Variants in FOXP1 observed in about 807,000 individuals in gnomAD.
FOXP1 encodes the protein forkhead box protein P1.
FOXP1 carries 15 observed loss-of-function variants against 98.2 expected under a neutral mutation model. The ratio of observed to expected loss-of-function variants is 0.15; its 90% confidence interval spans 0.10 to 0.24. The LOEUF is 0.24. FOXP1 is among the 10% of genes least tolerant of loss of function. FOXP1 has a pLI of 1.00. For missense variants in FOXP1, 633 were observed against 848.5 expected, an observed-to-expected ratio of 0.75 and a Z score of 3.15; for synonymous variants, 371 against 314.5, an observed-to-expected ratio of 1.18 and a Z score of -1.90.
At chr3:71,289,225 G>A (rs916877179) in intron 5 of FOXP1, among the ~76,000 whole-genome samples, 3 of 151,488 alleles carry the variant, frequency 2.0e-5, no homozygotes, top group African/African-American at 2.4e-5. Flanking sequence ...ATGTTTAGTA[G>A]AGACAGGGTT....
chr3:71,429,201 C>A (rs183270703), intron 3 of FOXP1, among the ~76,000 whole-genome samples: 6 of 152,140 alleles, frequency 3.9e-5, no homozygotes, highest in Admixed American at 3.9e-4. Context: ...GTGGGGGCAA[C>A]CAGACCAAGG....
chr3:71,123,220 CT>C (rs2058912210), intron 6 of FOXP1, among the ~76,000 whole-genome samples: 1 of 152,146 alleles, frequency 6.6e-6, no homozygotes, highest in Non-Finnish European at 1.5e-5. Flanking sequence ...CCTGATATCC[CT>C]AGACCCAAGG....
chr3:71,444,237 G>A (rs906171362), intron 3 of FOXP1, among the ~76,000 whole-genome samples: 11 of 152,138 alleles, frequency 7.2e-5, no homozygotes, highest in Non-Finnish European at 1.5e-4. Flanking sequence ...ACATCTGGAG[G>A]GAGCCAGGCC....
chr3:71,430,077 T>A (rs2084558470), intron 3 of FOXP1, among the ~76,000 whole-genome samples: 1 of 152,152 alleles, frequency 6.6e-6, no homozygotes, highest in Non-Finnish European at 1.5e-5. Flanking sequence ...TTTTCTCAAA[T>A]TGCCTTGCTA....
intron 3 of FOXP1, among the ~76,000 whole-genome samples, chr3:71,378,161 A>G (rs2079868025): frequency 6.6e-6 from 1 of 151,494 alleles, no homozygotes; most frequent in Non-Finnish European, 1.5e-5. Context: ...AAAGGAAGGC[A>G]AAAAGTGGGT....
intron 6 of FOXP1, among the ~76,000 whole-genome samples, chr3:71,137,468 C>G (rs1311219085): frequency 6.6e-6 from 1 of 152,130 alleles, no homozygotes; most frequent in Admixed American, 6.5e-5. Flanking sequence ...ACCATTTGTA[C>G]TATTAATATT....
At chr3:71,215,367 A>G (rs2108480478) in intron 5 of FOXP1, among the ~76,000 whole-genome samples, 2 of 152,350 alleles carry the variant, frequency 1.3e-5, no homozygotes, top group South Asian at 4.1e-4. Context: ...TTCCATCAAC[A>G]TGAAGGTGAT....
At chr3:70,974,973 A>T (rs757149018) in intron 17 of FOXP1, among the ~76,000 whole-genome samples, 1 of 152,250 alleles carries the variant, frequency 6.6e-6, no homozygotes, top group Non-Finnish European at 1.5e-5. Flanking sequence ...GTTTTCAAAA[A>T]AAAGATGTGT....
intron 3 of FOXP1, among the ~76,000 whole-genome samples, chr3:71,442,687 A>G (rs986450251): frequency 6.6e-6 from 1 of 152,010 alleles, no homozygotes; most frequent in Admixed American, 6.6e-5. Context: ...TTTGACAACA[A>G]TCACAGTCAC....
chr3:71,182,534 A>AGTGTG (rs2062385610), intron 6 of FOXP1, among the ~76,000 whole-genome samples: 1 of 137,982 alleles, frequency 7.2e-6, no homozygotes, highest in African/African-American at 2.8e-5. Flanking sequence ...GTGTGTGTGT[A>AGTGTG]TATATGTATA....
intron 3 of FOXP1, among the ~76,000 whole-genome samples, chr3:71,392,115 G>A (rs2081081343): frequency 1.3e-5 from 2 of 152,206 alleles, no homozygotes; most frequent in Non-Finnish European, 1.5e-5. Context: ...TATGATATCA[G>A]ATTGGTCCTA....
intron 6 of FOXP1, among the ~76,000 whole-genome samples, chr3:71,189,481 G>A (rs1237688558): frequency 1.3e-5 from 2 of 152,196 alleles, no homozygotes; most frequent in Admixed American, 6.5e-5. Flanking sequence ...TCTTTCTGTA[G>A]AAGTCTTTTT....
intron 9 of FOXP1, among the ~76,000 whole-genome samples, chr3:71,051,403 T>C (rs1245421048): frequency 6.6e-6 from 1 of 152,006 alleles, no homozygotes; most frequent in Non-Finnish European, 1.5e-5. Flanking sequence ...ATGGAAAACG[T>C]CCCCAATTTG....
At chr3:71,130,729 G>A in intron 6 of FOXP1, 1 of 1,493,664 alleles carries the variant, frequency 6.7e-7, no homozygotes, top group Non-Finnish European at 8.9e-7. Context: ...CACAGTAGCT[G>A]GCTGGGCTCT....
At position 71,009,227 on chromosome 3, in the gene FOXP1, C is replaced by T. The variant is rs113998851; in HGVS notation, c.974+6322G>A. On this transcript the variant is annotated intron_variant, in intron 12 of 20. Coordinates refer to ENST00000649528, the MANE Select transcript of FOXP1 (RefSeq NM_001349338.3). Reference sequence around the variant, plus strand: ...TGACTAACTTGAGGGTTCTGTGAATCCAAGCTAACATAACCCTGGATAGCT... The same window carrying T: ...TGACTAACTTGAGGGTTCTGTGAATTCAAGCTAACATAACCCTGGATAGCT... 8.2e-4 allele frequency among the ~76,000 whole-genome samples: 113 copies of T among 136,986 alleles called. 1 individual carries two copies. Among genetic ancestry groups the T allele is most frequent in the African/African-American group, 3.0e-3 (111 of 36,898 alleles). 89.9% of individuals were successfully genotyped at this position (136,986 alleles called of 152,430 possible).
At chr3:71,115,737 CTTTTTT>C (rs5849989) in intron 6 of FOXP1, among the ~76,000 whole-genome samples, 3 of 116,116 alleles carry the variant, frequency 2.6e-5, no homozygotes, top group Non-Finnish European at 3.6e-5. Context: ...CAAAACTATT[CTTTTTT>C]TTTTTTTTTT....
At chr3:71,146,245 G>C (rs2060300954) in intron 6 of FOXP1, among the ~76,000 whole-genome samples, 2 of 152,162 alleles carry the variant, frequency 1.3e-5, no homozygotes, top group African/African-American at 4.8e-5. Context: ...AACCATCCCA[G>C]GTAATAAATC....
chr3:71,348,661 C>T (rs1215381721), intron 4 of FOXP1, among the ~76,000 whole-genome samples: 4 of 151,426 alleles, frequency 2.6e-5, no homozygotes, highest in South Asian at 2.1e-4. Context: ...GTGTGTGTGT[C>T]GAGCAGAGGA....
At chr3:71,247,058 A>T (rs767347546) in intron 5 of FOXP1, among the ~76,000 whole-genome samples, 34 of 151,816 alleles carry the variant, frequency 2.2e-4, no homozygotes, top group African/African-American at 8.0e-4. Flanking sequence ...ATTTGTTTCA[A>T]TAAAAATTGA....
Sources: allele counts gnomAD v4.1 joint callset (sites outside exome capture counted in the v4.1 genomes callset), GRCh38; gene constraint gnomAD v4.1.1; transcripts MANE v1.5; gene names NCBI Gene and HGNC (gene_info 2026-07-23, HGNC 2026-07-21).